Variants in KHDRBS2 observed in about 807,000 individuals in gnomAD.
KHDRBS2 encodes the protein KH domain-containing, RNA-binding, signal transduction-associated protein 2.
Under a neutral mutation model 44.3 loss-of-function variants are expected in KHDRBS2, and 26 were observed. The observed-to-expected ratio is 0.59, with a 90% CI of 0.43 to 0.81. The LOEUF is 0.81. Ranked by LOEUF, KHDRBS2 falls within the 40% of genes least tolerant of loss-of-function variation. KHDRBS2 has a pLI of 0.00. For missense variants in KHDRBS2, 476 were observed against 433.1 expected (o/e 1.10, Z -0.88); for synonymous variants, 194 against 151.1 (o/e 1.28, Z -2.08).
intron 6 of KHDRBS2, among the ~76,000 whole-genome samples, chr6:61,869,902 C>A (rs1031966343): frequency 5.9e-5 from 9 of 151,382 alleles, no homozygotes; most frequent in African/African-American, 2.2e-4. Flanking sequence ...CCACCAGGGC[C>A]TTGGGTTTCA....
At chr6:62,122,951 G>A (rs1808047570) in intron 2 of KHDRBS2, among the ~76,000 whole-genome samples, 1 of 151,954 alleles carries the variant, frequency 6.6e-6, no homozygotes, top group South Asian at 2.1e-4. Context: ...TGAACAACGT[G>A]CAGTTTTGTT....
intron 6 of KHDRBS2, among the ~76,000 whole-genome samples, chr6:61,784,039 C>A (rs1783422800): frequency 6.6e-6 from 1 of 151,774 alleles, no homozygotes; most frequent in Admixed American, 6.6e-5. Flanking sequence ...TTCTTTAATT[C>A]AGTTAAAAAA....
At chr6:61,810,426 T>C (rs546041053) in intron 6 of KHDRBS2, among the ~76,000 whole-genome samples, 1 of 152,270 alleles carries the variant, frequency 6.6e-6, no homozygotes, top group South Asian at 2.1e-4. Context: ...CCTACACCTC[T>C]TCTCAACTGC....
At chr6:62,262,310 T>C (rs1838480660) in intron 1 of KHDRBS2, among the ~76,000 whole-genome samples, 1 of 151,798 alleles carries the variant, frequency 6.6e-6, no homozygotes, top group Admixed American at 6.6e-5. Flanking sequence ...AAATGAGGAC[T>C]CAGGAATCGT....
chr6:62,272,283 C>A (rs1257409069), intron 1 of KHDRBS2, among the ~76,000 whole-genome samples: 1 of 152,060 alleles, frequency 6.6e-6, no homozygotes, highest in East Asian at 1.9e-4. Context: ...ATGATGAAAT[C>A]GCCTAATGAC....
At chr6:62,072,370 C>G (rs1203140819) in intron 2 of KHDRBS2, among the ~76,000 whole-genome samples, 1 of 152,158 alleles carries the variant, frequency 6.6e-6, no homozygotes, top group Non-Finnish European at 1.5e-5. Flanking sequence ...CCAGAACTTC[C>G]AACACTACGT....
At chr6:61,552,338 C>T in the KHDRBS2 span, among the ~76,000 whole-genome samples, 2 of 152,200 alleles carry the variant, frequency 1.3e-5, no homozygotes, top group East Asian at 1.9e-4. Context: ...CATGGGAATG[C>T]TACTGATTTT....
chr6:61,585,195 G>A, the KHDRBS2 span, among the ~76,000 whole-genome samples: 1 of 151,708 alleles, frequency 6.6e-6, no homozygotes, highest in African/African-American at 2.4e-5. Context: ...TTCATTCAGT[G>A]CATGAAAGAG....
chr6:61,708,711 G>A (rs1303529098), intron 7 of KHDRBS2, among the ~76,000 whole-genome samples: 2 of 151,458 alleles, frequency 1.3e-5, no homozygotes. Context: ...AGATATATAG[G>A]TATATTGATA....
At chr6:61,905,405 A>AT (rs1328809036) in intron 4 of KHDRBS2, among the ~76,000 whole-genome samples, 1 of 152,156 alleles carries the variant, frequency 6.6e-6, no homozygotes, top group Non-Finnish European at 1.5e-5. Flanking sequence ...AGGTGCAGAA[A>AT]TAGCTAGACG....
the KHDRBS2 span, among the ~76,000 whole-genome samples, chr6:61,576,505 T>C: frequency 6.6e-6 from 1 of 152,160 alleles, no homozygotes; most frequent in Non-Finnish European, 1.5e-5. Flanking sequence ...TAAGATCATA[T>C]CATCAGCAGA....
intron 8 of KHDRBS2, among the ~76,000 whole-genome samples, chr6:61,683,610 T>C (rs1766528420): frequency 6.6e-6 from 1 of 151,938 alleles, no homozygotes; most frequent in Non-Finnish European, 1.5e-5. Context: ...AGAAATCTTA[T>C]ATATTTGTTA....
intron 6 of KHDRBS2, among the ~76,000 whole-genome samples, chr6:61,879,599 C>A (rs13196515): frequency 6.6e-6 from 1 of 151,860 alleles, no homozygotes; most frequent in Non-Finnish European, 1.5e-5. Flanking sequence ...ATTGCCTCTG[C>A]CTGTGGAAAT....
chr6:62,003,488 C>T (rs1584090095), intron 3 of KHDRBS2, among the ~76,000 whole-genome samples: 1 of 151,950 alleles, frequency 6.6e-6, no homozygotes, highest in East Asian at 1.9e-4. Context: ...ATGTATGCTC[C>T]CAATATAGGA....
chr6:61,950,531 T>C (rs1764530495), intron 4 of KHDRBS2, among the ~76,000 whole-genome samples: 1 of 152,032 alleles, frequency 6.6e-6, no homozygotes, highest in Non-Finnish European at 1.5e-5. Context: ...TGTGTAAATA[T>C]ACTTCATTTT....
intron 3 of KHDRBS2, among the ~76,000 whole-genome samples, chr6:61,978,906 G>A (rs1418617714): frequency 2.0e-5 from 3 of 151,998 alleles, no homozygotes; most frequent in Admixed American, 1.3e-4. Context: ...AAAAGCAATT[G>A]CCATTAATTG....
chr6:61,781,662 G>A (rs1450789962), intron 6 of KHDRBS2, among the ~76,000 whole-genome samples: 1 of 152,084 alleles, frequency 6.6e-6, no homozygotes, highest in South Asian at 2.1e-4. Context: ...AGTTTGTGTA[G>A]TGGTCAAGTC....
chr6:62,065,058 A>T (rs1200313236), intron 2 of KHDRBS2, among the ~76,000 whole-genome samples: 1 of 152,242 alleles, frequency 6.6e-6, no homozygotes, highest in African/African-American at 2.4e-5. Flanking sequence ...GCCATCAGAG[A>T]AACGCAAATC....
chr6:62,021,248 G>T (rs1782246663), intron 3 of KHDRBS2, among the ~76,000 whole-genome samples: 1 of 151,734 alleles, frequency 6.6e-6, no homozygotes, highest in African/African-American at 2.4e-5. Flanking sequence ...AAGACATTGG[G>T]GTCTAAAAGA....
Sources: allele counts gnomAD v4.1 joint callset (sites outside exome capture counted in the v4.1 genomes callset), GRCh38; gene constraint gnomAD v4.1.1; transcripts MANE v1.5; gene names NCBI Gene and HGNC (gene_info 2026-07-23, HGNC 2026-07-21).